The following DDX43 variants were observed in gnomAD, a reference collection of about 807,000 sequenced individuals.
DDX43 encodes DEAD-box helicase 43, also known as probable ATP-dependent RNA helicase DDX43.
DDX43 carries 50 observed loss-of-function variants against 84.9 expected under a neutral mutation model. The observed-to-expected ratio is 0.59, with a 90% CI of 0.47 to 0.75. The LOEUF (loss-of-function observed/expected upper bound fraction) is 0.75, where lower values mean the gene tolerates loss of function less well. Among genes scored for constraint, DDX43 ranks in the 30% least tolerant of loss-of-function variants. DDX43 has a pLI of 0.00. For synonymous variants in DDX43, 291 were observed against 266.3 expected (o/e 1.09, Z -0.90); for missense variants, 689 against 798.6 (o/e 0.86, Z 1.65).
At position 73,394,939 on chromosome 6, in the gene DDX43, A is replaced by T; in HGVS notation, c.34A>T (p.Thr12Ser). Residue 12 changes from threonine (T) to serine (S), a missense_variant, in exon 1 of 17, where the codon ACG becomes TCG. Physicochemically the swap from Thr to Ser is moderately conservative, Grantham distance 58. This residue lies in a region of DDX43 where 137 missense variants were observed against 105.9 expected (regional missense o/e 1.29). Coordinates refer to ENST00000370336, the MANE Select transcript of DDX43 (RefSeq NM_018665.3). ...SHHGGAPKAS[T>S]WVVASRRSST... ...CCACGGAGGAGCTCCCAAGGCCTCT[A>T]CGTGGGTCGTTGCTAGTCGGCGAAG... 1 of 1,614,234 alleles carries T rather than the reference A, an allele frequency of 6.2e-7. No individual in the cohort carries two copies. Among genetic ancestry groups the T allele is most frequent in the Non-Finnish European group, 8.5e-7 (1 of 1,180,038 alleles).
intron 10 of DDX43, among the ~76,000 whole-genome samples, chr6:73,411,555 C>G (rs763171730): frequency 1.4e-4 from 21 of 152,150 alleles, no homozygotes; most frequent in East Asian, 5.8e-4. Flanking sequence ...TCTCAAACTC[C>G]TGACCTCAAG....
Position 73,397,902 on chromosome 6 carries a change from A to G in DDX43, c.306+158A>G, listed in dbSNP as rs531952076. On this transcript the variant is annotated intron_variant, in intron 2 of 16. Transcript: ENST00000370336. The stretch of plus-strand genomic sequence containing the variant: ...AACCTCTGCCTCCTGGGTTCAAGCA[A>G]TTCTCCTGCTTCAGCCTCCTGAGTA... 2.5e-5 allele frequency: 13 copies of G among 512,676 alleles called. No individual in the cohort carries two copies. In the East Asian group the frequency reaches 3.0e-4, roughly 12 times the overall value. 31.8% of individuals were successfully genotyped at this position (512,676 alleles called of 1,614,324 possible).
chr6:73,406,851 T>G (rs1769695874), intron 7 of DDX43: 2 of 154,306 alleles, frequency 1.3e-5, no homozygotes, highest in Non-Finnish European at 2.9e-5. Flanking sequence ...TTTTTAAAAT[T>G]TCCCTACTTT....
intron 14 of DDX43, among the ~76,000 whole-genome samples, 166 bp from the exon 15 acceptor site, chr6:73,415,331 T>G (rs1271243357): frequency 1.3e-5 from 2 of 151,938 alleles, no homozygotes; most frequent in African/African-American, 2.4e-5. Context: ...AAATAAGAGG[T>G]ACTATCATAT....
rs1187813307 is a variant in DDX43 at position 73,405,826 on chromosome 6, A to G, written c.798A>G (p.Thr266=). The G allele has an allele frequency of 6.2e-7, 1 of 1,613,480 alleles. No individual in the cohort carries two copies. Among genetic ancestry groups the G allele is most frequent in the South Asian group, 1.1e-5 (1 of 90,960 alleles). Residue 266 remains threonine, a synonymous_variant, in exon 6 of 17, where the codon ACA becomes ACG. Transcript: ENST00000370336. ...NIKKAGFQKP[T]PIQSQAWPIV... ...AAAAGGCAGGTTTTCAAAAGCCAAC[A>G]CCTATTCAGGTATGCTTTCATTAAT...
At chr6:73,411,308 T>C (rs1769781130) in intron 10 of DDX43, among the ~76,000 whole-genome samples, 1 of 151,668 alleles carries the variant, frequency 6.6e-6, no homozygotes. Flanking sequence ...AGTAATCCCT[T>C]TTAGTACCTT....
chr6:73,411,464 G>T (rs1329834115), intron 10 of DDX43, among the ~76,000 whole-genome samples: 1 of 151,516 alleles, frequency 6.6e-6, no homozygotes, highest in Non-Finnish European at 1.5e-5. Context: ...GAGTAGCTGG[G>T]ATTATAGGCA....
intron 5 of DDX43, among the ~76,000 whole-genome samples, chr6:73,405,113 GAA>G (rs201272137): frequency 9.7e-5 from 13 of 134,600 alleles, no homozygotes; most frequent in African/African-American, 3.0e-4. Flanking sequence ...TAGTTGAATT[GAA>G]AAAAAAAAAA....
Position 73,412,401 on chromosome 6 carries a change from C to T in DDX43, c.1368+109C>T, listed in dbSNP as rs376638025. 2.2e-3 allele frequency: 1,649 copies of T among 757,726 alleles called. 7 individuals carry two copies. The highest frequency in any genetic ancestry group is 8.1e-3 in the South Asian group (478 of 58,896). 46.9% of individuals were successfully genotyped at this position (757,726 alleles called of 1,614,324 possible). A position where few individuals can be genotyped will look rare whatever the true frequency, so the allele number is the denominator to read the frequency against. On this transcript the variant is annotated intron_variant, in intron 11 of 16. Coordinates refer to ENST00000370336, the MANE Select transcript of DDX43 (RefSeq NM_018665.3). ...CTCCCCAATTTTAGGGCAAATCACA[C>T]TTGCATATAGTTTTAATAGAGCTGT...
chr6:73,404,430 G>A (rs1011399994), intron 4 of DDX43, among the ~76,000 whole-genome samples: 2 of 151,858 alleles, frequency 1.3e-5, no homozygotes, highest in Non-Finnish European at 1.5e-5. Flanking sequence ...TAGAGACAGG[G>A]TGTCACTATT....
At position 73,416,171 on chromosome 6, in the gene DDX43, G is replaced by A. The variant is rs776868203; in HGVS notation, c.1892G>A (p.Arg631Lys). Residue 631 changes from arginine (R) to lysine (K), a missense_variant, in exon 16 of 17, where the codon AGG becomes AAG. Physicochemically the swap from Arg to Lys is conservative, Grantham distance 26 (BLOSUM62 2). Transcript: ENST00000370336. The part of the protein sequence containing the change: ...AERFKAHQQK[R>K]EMERKMERPQ... Reference sequence around the variant, plus strand: ...AGGTTTAAGGCACATCAACAGAAAAGGGAAATGGAAAGAAAAATGGAAAGA... The same window carrying A: ...AGGTTTAAGGCACATCAACAGAAAAAGGAAATGGAAAGAAAAATGGAAAGA... 1 of 1,599,308 alleles carries A rather than the reference G, an allele frequency of 6.3e-7. No homozygotes were observed.
chr6:73,403,617 G>C (rs1769617609), intron 4 of DDX43, among the ~76,000 whole-genome samples: 1 of 152,068 alleles, frequency 6.6e-6, no homozygotes. Flanking sequence ...TATCAGTTGT[G>C]GTGTTTGATG....
Position 73,407,963 on chromosome 6 carries a change from T to G in DDX43, c.1041T>G (p.Val347=), listed in dbSNP as rs1282327793. 2.5e-6 allele frequency: 4 copies of G among 1,611,148 alleles called. No individual in the cohort carries two copies. The highest frequency in any genetic ancestry group is 2.2e-5 in the East Asian group (1 of 44,878). The part of the protein sequence containing the change: ...CKYSYKGLRS[V]CVYGGGNRDE... ...CTTTAGATTTTTTCTTTTTAAGTGTTTGTGTATATGGTGGTGGAAATAGAG... is the reference window on the plus strand; with the variant it reads ...CTTTAGATTTTTTCTTTTTAAGTGTGTGTGTATATGGTGGTGGAAATAGAG... Residue 347 remains valine, a synonymous_variant, in exon 9 of 17, where the codon GTT becomes GTG. Coordinates refer to ENST00000370336, the MANE Select transcript of DDX43 (RefSeq NM_018665.3).
Position 73,413,700 on chromosome 6 carries a change from G to A in DDX43, c.1411G>A (p.Glu471Lys). The change falls in exon 12 of 17, where the codon GAA (glutamate) becomes AAA (lysine). Residue 471 changes from glutamate (E) to lysine (K), a missense_variant. Coordinates refer to ENST00000370336, the MANE Select transcript of DDX43 (RefSeq NM_018665.3). ...GCAAAATATAATTGTAACCACCGAG[G>A]AAGAGAAATGGAGTCACATGCAAAC... ...VKQNIIVTTE[E>K]EKWSHMQTFL... The A allele has an allele frequency of 6.2e-7, 1 of 1,613,822 alleles. No homozygotes were observed. The highest frequency in any genetic ancestry group is 8.5e-7 in the Non-Finnish European group (1 of 1,179,838).
intron 16 of DDX43, among the ~76,000 whole-genome samples, chr6:73,416,688 A>C (rs1444910306): frequency 6.6e-6 from 1 of 152,214 alleles, no homozygotes; most frequent in Non-Finnish European, 1.5e-5. Flanking sequence ...GGTGGTTACC[A>C]AGGACTTGGA....
At chr6:73,405,208 C>G (rs1769654084) in intron 5 of DDX43, among the ~76,000 whole-genome samples, 1 of 151,880 alleles carries the variant, frequency 6.6e-6, no homozygotes, top group Non-Finnish European at 1.5e-5. Flanking sequence ...GTTTTTCTTA[C>G]TATTAAAGTC....
intron 1 of DDX43, among the ~76,000 whole-genome samples, chr6:73,396,587 A>G (rs530309977): frequency 2.0e-4 from 31 of 152,332 alleles, no homozygotes; most frequent in Non-Finnish European, 4.1e-4. Flanking sequence ...TTGATGTTGG[A>G]TCTGGATCCA....
chr6:73,395,337 G>C (rs1239523700), intron 1 of DDX43, among the ~76,000 whole-genome samples, 182 bp downstream of exon 1: 4 of 152,186 alleles, frequency 2.6e-5, no homozygotes, highest in Admixed American at 2.0e-4. Flanking sequence ...GGGCGCGTTG[G>C]CTCACGCCTG....
At chr6:73,411,978 G>A (rs536658707) in intron 10 of DDX43, among the ~76,000 whole-genome samples, 4 of 152,198 alleles carry the variant, frequency 2.6e-5, no homozygotes, top group Non-Finnish European at 4.4e-5. Context: ...GATTACAGGC[G>A]TGAGCCACTG....
Sources: gnomAD v4.1 joint callset for allele counts (sites outside exome capture counted in the v4.1 genomes callset) on GRCh38, gnomAD v4.1.1 for gene constraint, gnomAD v4.1.1 regional missense constraint, MANE v1.5 for transcripts, NCBI Gene and HGNC (gene_info 2026-07-23, HGNC 2026-07-21) for gene names.